The following CSMD1 variants were observed in gnomAD, a reference collection of about 807,000 sequenced individuals.
The protein encoded by CSMD1 is CUB and Sushi multiple domains 1.
In CSMD1, 213 loss-of-function variants were observed where a neutral mutation model predicts 417.5. That is an observed-to-expected ratio of 0.51 (90% CI 0.46 to 0.57). The LOEUF (loss-of-function observed/expected upper bound fraction) is 0.57, where lower values mean the gene tolerates loss of function less well. CSMD1 is among the 20% of genes least tolerant of loss of function. The probability of loss-of-function intolerance (pLI) is 0.00; values close to 1 mark genes in which losing one functional copy is unlikely to be tolerated. For missense variants in CSMD1, 6,923 were observed against 4,529.7 expected, an observed-to-expected ratio of 1.53 and a Z score of -15.17; for synonymous variants, 2,862 against 1,736.8, an observed-to-expected ratio of 1.65 and a Z score of -16.11.
In CSMD1 at chr8:3,597,778, T is replaced by G. The variant is rs185456171; in HGVS notation, c.1098-11518A>C. 2.2e-3 allele frequency among the ~76,000 whole-genome samples: 339 copies of G among 151,678 alleles called. 1 individual carries two copies. The highest frequency in any genetic ancestry group is 7.8e-3 in the African/African-American group (323 of 41,296). Reference sequence around the variant, plus strand: ...GCATGTTCTCACTCATAAGTGGGAGTTGAACAATGAGAATACACGGACACA... The same window carrying G: ...GCATGTTCTCACTCATAAGTGGGAGGTGAACAATGAGAATACACGGACACA... On this transcript the variant is annotated intron_variant, in intron 8 of 69. Coordinates refer to ENST00000635120, the MANE Select transcript of CSMD1 (RefSeq NM_033225.6).
At chr8:3,405,597 A>G (rs1425215168) in intron 15 of CSMD1, among the ~76,000 whole-genome samples, 1 of 98,396 alleles carries the variant, frequency 1.0e-5, no homozygotes, top group African/African-American at 4.0e-5. Context: ...TAGTTAGGAT[A>G]AGGTGTTGCT....
intron 4 of CSMD1, among the ~76,000 whole-genome samples, chr8:4,023,054 T>C (rs1007061560): frequency 3.3e-5 from 5 of 152,228 alleles, no homozygotes; most frequent in African/African-American, 1.2e-4. Context: ...TTCCATTTCC[T>C]GGCTCTCTTT....
At chr8:4,553,010 G>A (rs571157433) in intron 2 of CSMD1, among the ~76,000 whole-genome samples, 7 of 152,286 alleles carry the variant, frequency 4.6e-5, no homozygotes, top group African/African-American at 9.6e-5. Context: ...ACATTTCACC[G>A]AGTCAGAACA....
Position 3,029,327 on chromosome 8 carries a change from C to G in CSMD1, c.7847G>C (p.Ser2616Thr). The G allele has an allele frequency of 6.2e-7, 1 of 1,605,684 alleles. No homozygotes were observed. The highest frequency in any genetic ancestry group is 1.4e-5 in the African/African-American group (1 of 73,582). ...CCTCCCTCATCACTTACCTCGACAG[C>G]TTGGCCTCTCATCTCCTATGTTCCA... The part of the protein sequence containing the change: ...GTWNIGDERP[S>T]CRVISCGSLS... The change falls in exon 51 of 70, where the codon AGC becomes ACC. Residue 2616 changes from serine to threonine, a missense_variant. By Grantham distance (58) the Ser-to-Thr change is moderately conservative. Transcript: ENST00000635120.
intron 1 of CSMD1, among the ~76,000 whole-genome samples, chr8:4,856,019 G>C (rs1327844590): frequency 6.6e-6 from 1 of 151,964 alleles, no homozygotes. Context: ...AGAGAGAAAG[G>C]TCGGGTTACC....
chr8:4,570,673 G>C (rs1181693258), intron 2 of CSMD1, among the ~76,000 whole-genome samples: 1 of 152,138 alleles, frequency 6.6e-6, no homozygotes, highest in Admixed American at 6.5e-5. Context: ...GAGTTAAGGA[G>C]GATTCCCTCT....
intron 7 of CSMD1, among the ~76,000 whole-genome samples, chr8:3,678,224 T>C (rs1456730023): frequency 2.0e-5 from 3 of 152,166 alleles, no homozygotes; most frequent in Non-Finnish European, 2.9e-5. Context: ...AGGTTTCAGA[T>C]GATCAAACTT....
At chr8:4,087,460 T>A (rs1264506357) in intron 3 of CSMD1, among the ~76,000 whole-genome samples, 1 of 152,144 alleles carries the variant, frequency 6.6e-6, no homozygotes, top group Non-Finnish European at 1.5e-5. Context: ...CCACCCAACT[T>A]CTGTCCCTTT....
intron 3 of CSMD1, among the ~76,000 whole-genome samples, chr8:4,341,265 T>G (rs1404677925): frequency 6.6e-6 from 1 of 152,120 alleles, no homozygotes; most frequent in African/African-American, 2.4e-5. Flanking sequence ...AGAAGGCAGT[T>G]GTATGTCATA....
intron 1 of CSMD1, among the ~76,000 whole-genome samples, chr8:4,710,796 G>T (rs748091239): frequency 1.4e-4 from 22 of 151,732 alleles, no homozygotes; most frequent in Non-Finnish European, 2.4e-4. Context: ...CATGAGCCAA[G>T]ATCGCACCAC....
intron 5 of CSMD1, among the ~76,000 whole-genome samples, chr8:3,826,915 T>C (rs1426747646): frequency 6.6e-6 from 1 of 152,094 alleles, no homozygotes; most frequent in African/African-American, 2.4e-5. Flanking sequence ...GCCTCTTGAG[T>C]AGCTGAAACT....
In CSMD1 at chr8:4,690,100, T is replaced by G. The variant is rs529702679; in HGVS notation, c.86-52542A>C. 2.0e-5 allele frequency among the ~76,000 whole-genome samples: 3 copies of G among 152,316 alleles called. No homozygotes were observed. In the East Asian group the frequency reaches 5.8e-4, roughly 29 times the overall value. On this transcript the variant is annotated intron_variant, in intron 1 of 69. Coordinates refer to ENST00000635120, the MANE Select transcript of CSMD1 (RefSeq NM_033225.6). Reference sequence around the variant, plus strand: ...GTTACAAAGCCTTCTATAATTTGTTTTTCTATTTCAACAAATTCATGATAT... The same window carrying G: ...GTTACAAAGCCTTCTATAATTTGTTGTTCTATTTCAACAAATTCATGATAT...
At chr8:3,826,853 C>A (rs141710280) in intron 5 of CSMD1, among the ~76,000 whole-genome samples, 2 of 152,052 alleles carry the variant, frequency 1.3e-5, no homozygotes, top group East Asian at 3.9e-4. Context: ...GTGGTGTGAT[C>A]ATAGCTCACT....
intron 5 of CSMD1, among the ~76,000 whole-genome samples, chr8:3,957,525 T>G (rs1812037785): frequency 6.6e-6 from 1 of 151,788 alleles, no homozygotes; most frequent in African/African-American, 2.4e-5. Flanking sequence ...AAAATAAAAT[T>G]TTAAAAAAAC....
intron 3 of CSMD1, among the ~76,000 whole-genome samples, chr8:4,290,089 T>A (rs748390332): frequency 1.8e-4 from 27 of 152,266 alleles, no homozygotes; most frequent in Non-Finnish European, 3.2e-4. Flanking sequence ...TATAGTGGCA[T>A]ACAGATGTGC....
intron 2 of CSMD1, among the ~76,000 whole-genome samples, chr8:4,480,173 G>A (rs1440491457): frequency 1.4e-5 from 2 of 142,440 alleles, no homozygotes; most frequent in Non-Finnish European, 3.0e-5. Context: ...CCACGAGAGT[G>A]CATTGTTATC....
chr8:3,960,811 T>G (rs1812275155), intron 5 of CSMD1, among the ~76,000 whole-genome samples: 1 of 151,956 alleles, frequency 6.6e-6, no homozygotes, highest in Non-Finnish European at 1.5e-5. Flanking sequence ...TTTATTATTT[T>G]TACTGAATTA....
chr8:3,401,167 C>A (rs1015997482), intron 15 of CSMD1, among the ~76,000 whole-genome samples: 1 of 151,538 alleles, frequency 6.6e-6, no homozygotes, highest in African/African-American at 2.4e-5. Context: ...TTTAACCATC[C>A]AAAGATACTA....
chr8:4,212,755 T>C (rs1393113024), intron 3 of CSMD1, among the ~76,000 whole-genome samples: 16 of 29,936 alleles, frequency 5.3e-4, no homozygotes, highest in African/African-American at 7.2e-4. Flanking sequence ...CTTATTCTTT[T>C]TTTTTTTTTT....
Sources: gnomAD v4.1 joint callset for allele counts (sites outside exome capture counted in the v4.1 genomes callset) on GRCh38, gnomAD v4.1.1 for gene constraint, MANE v1.5 for transcripts, NCBI Gene and HGNC (gene_info 2026-07-23, HGNC 2026-07-21) for gene names.